The following ART1 variants were observed in gnomAD, a reference collection of about 807,000 sequenced individuals.
ART1 encodes the protein ADP-ribosyltransferase 1, also known as GPI-linked NAD(P)(+)--arginine ADP-ribosyltransferase 1.
ART1 carries 29 observed loss-of-function variants against 27.0 expected under a neutral mutation model. The ratio of observed to expected loss-of-function variants is 1.08; its 90% CI spans 0.80 to 1.47. The LOEUF (loss-of-function observed/expected upper bound fraction) is 1.47, where lower values mean the gene tolerates loss of function less well. ART1 is among the 40% of genes most tolerant of loss of function. ART1 has a pLI of 0.00. For synonymous variants in ART1, 201 were observed against 172.2 expected, an observed-to-expected ratio of 1.17 and a Z score of -1.31; for missense variants, 480 against 423.0, an observed-to-expected ratio of 1.13 and a Z score of -1.18.
intron 2 of ART1, 23 bp from the exon 3 acceptor site, chr11:3,659,560 C>A: frequency 6.4e-7 from 1 of 1,566,356 alleles, no homozygotes; most frequent in Admixed American, 1.8e-5. Context: ...TCCTCTCAGT[C>A]CCTGCTACTC....
chr11:3,654,762 C>T (rs2077555919), intron 1 of ART1, among the ~76,000 whole-genome samples: 1 of 146,828 alleles, frequency 6.8e-6, no homozygotes, highest in African/African-American at 2.5e-5. Context: ...TGCCATTCTC[C>T]CATCAGACAT....
At chr11:3,648,038 A>G (rs925487357) in intron 1 of ART1, among the ~76,000 whole-genome samples, 1 of 152,150 alleles carries the variant, frequency 6.6e-6, no homozygotes, top group Non-Finnish European at 1.5e-5. Context: ...TTAACTGATG[A>G]CATTGTCTTG....
intron 1 of ART1, among the ~76,000 whole-genome samples, chr11:3,655,070 C>A (rs1233323395): frequency 1.3e-5 from 2 of 152,204 alleles, no homozygotes; most frequent in African/African-American, 2.4e-5. Context: ...CGGCAAGTGG[C>A]TTATCTAAAC....
At chr11:3,659,458 C>A in intron 2 of ART1, 125 bp from the exon 3 acceptor site, 2 of 1,363,406 alleles carry the variant, frequency 1.5e-6, no homozygotes, top group Non-Finnish European at 2.0e-6. Context: ...GTTCCCAATC[C>A]CCTTCCCCAC....
chr11:3,661,403 G>T lies in ART1; in HGVS notation c.876G>T (p.Leu292=). The part of the protein sequence containing the change: ...DKKCKSGPCH[L]DNSAMGQSPL... ...AGTGCAAGTCTGGGCCTTGCCATCT[G>T]GATAATTCAGGTAAGGGCTGCAGGC... Residue 292 remains leucine (L), a synonymous_variant, in exon 4 of 5, where the codon CTG becomes CTT. Coordinates refer to ENST00000250693, the MANE Select transcript of ART1 (RefSeq NM_004314.3). 6.2e-7 allele frequency: 1 copy of T among 1,610,488 alleles called. No individual in the cohort carries two copies.
At chr11:3,649,672 C>T (rs1242275043) in intron 1 of ART1, among the ~76,000 whole-genome samples, 6 of 152,280 alleles carry the variant, frequency 3.9e-5, no homozygotes, top group African/African-American at 7.2e-5. Context: ...TCCTCACACC[C>T]GGTCTGGTTT....
At position 3,660,095 on chromosome 11, in the gene ART1, G is replaced by A; in HGVS notation, c.576G>A (p.Arg192=). ...HGLRFRPAGP[R]ATVRLGGFAS... is the part of the protein sequence containing the mutation. Reference sequence around the variant, plus strand: ...TGCGCTTCCGGCCAGCAGGGCCCCGGGCCACCGTGAGGCTGGGGGGCTTTG... The same window carrying A: ...TGCGCTTCCGGCCAGCAGGGCCCCGAGCCACCGTGAGGCTGGGGGGCTTTG... Residue 192 remains arginine (R), a synonymous_variant, in exon 3 of 5, where the codon CGG becomes CGA. Transcript: ENST00000250693. 1.1e-5 allele frequency: 17 copies of A among 1,613,732 alleles called. No homozygotes were observed. Among genetic ancestry groups the A allele is most frequent in the Non-Finnish European group, 1.4e-5 (17 of 1,179,958 alleles).
At chr11:3,652,727 T>C (rs2077534806) in intron 1 of ART1, among the ~76,000 whole-genome samples, 1 of 151,600 alleles carries the variant, frequency 6.6e-6, no homozygotes, top group African/African-American at 2.4e-5. Flanking sequence ...TACTCATACA[T>C]GTCCTGCTCT....
intron 1 of ART1, among the ~76,000 whole-genome samples, chr11:3,652,383 C>T (rs1489064072): frequency 6.7e-6 from 1 of 148,898 alleles, no homozygotes; most frequent in Non-Finnish European, 1.5e-5. Flanking sequence ...GTTTTTCAGG[C>T]TCTTAGTATT....
In ART1 at chr11:3,660,086, AG is replaced by A; in HGVS notation, c.570del (p.Arg192GlyfsTer4). The A allele has an allele frequency of 1.2e-6, 2 of 1,613,570 alleles. No homozygotes were observed. Among genetic ancestry groups the A allele is most frequent in the Non-Finnish European group, 1.7e-6 (2 of 1,179,962 alleles). ...TGCACGGCCTGCGCTTCCGGCCAGC[AG>A]GGCCCCGGGCCACCGTGAGGCTGGG... ...GVHGLRFRPA[G>X]PRATVRLGGF... is the part of the protein sequence containing the mutation. On this transcript the variant is annotated frameshift_variant, in exon 3 of 5. Transcript: ENST00000250693. LOFTEE classifies it high-confidence loss of function.
chr11:3,664,105 C>T lies in ART1; in HGVS notation c.900C>T (p.Ser300=). Residue 300 remains serine (S), a synonymous_variant, in exon 5 of 5, where the codon AGC becomes AGT. Transcript: ENST00000250693. Reference sequence around the variant, plus strand: ...TTTTCCCTGCAGCCATGGGTCAGAGCCCCCTCTCTGCAGTCTGGTCTTTGC... The same window carrying T: ...TTTTCCCTGCAGCCATGGGTCAGAGTCCCCTCTCTGCAGTCTGGTCTTTGC... The part of the protein sequence containing the change: ...CHLDNSAMGQ[S]PLSAVWSLLL... 3 of 1,613,920 alleles carry T rather than the reference C, an allele frequency of 1.9e-6. No homozygotes were observed. The highest frequency in any genetic ancestry group is 1.3e-5 in the African/African-American group (1 of 75,028).
chr11:3,657,072 T>C (rs537474854), intron 1 of ART1, among the ~76,000 whole-genome samples: 7 of 152,320 alleles, frequency 4.6e-5, no homozygotes, highest in Admixed American at 4.6e-4. Context: ...GTCACTGAAC[T>C]ATCCAAACTT....
At chr11:3,661,446 C>A in intron 4 of ART1, 33 bp downstream of exon 4, 1 of 1,499,432 alleles carries the variant, frequency 6.7e-7, no homozygotes, top group Non-Finnish European at 9.1e-7. Context: ...GGACTCAGTT[C>A]AGGGATGAGC....
chr11:3,646,258 G>A lies in ART1; in HGVS notation c.-53+1079G>A, dbSNP rs146034636. On this transcript the variant is annotated intron_variant, in intron 1 of 4. Coordinates refer to ENST00000250693, the MANE Select transcript of ART1 (RefSeq NM_004314.3). ...GCAGGATATTGGGGCTGACTGTGGA[G>A]GCGGGGAGATCAGCGAGGAGGAAGG... Among the ~76,000 whole-genome samples the A allele has an allele frequency of 9.9e-5, 15 of 152,232 alleles. No individual in the cohort carries two copies. In the East Asian group the frequency reaches 2.9e-3, roughly 29 times the overall value.
Position 3,663,038 on chromosome 11 carries a change from C to CA in ART1, c.887-1054_887-1053insA, listed in dbSNP as rs1564786909. ...TCATCATCTCATCTCATCTCATCAT[C>CA]TCATCTCATCTCATCTCATCTCATC... is the stretch of plus-strand genomic sequence containing the variant. On this transcript the variant is annotated intron_variant, in intron 4 of 4. Coordinates refer to ENST00000250693, the MANE Select transcript of ART1 (RefSeq NM_004314.3). Among the ~76,000 whole-genome samples the CA allele has an allele frequency of 4.4e-3, 472 of 107,136 alleles. 7 individuals carry two copies. Among genetic ancestry groups the CA allele is most frequent in the Middle Eastern group, 0.031 (7 of 228 alleles). The allele number at this position is 107,136 out of a possible 152,430, so 70.3% of individuals were successfully genotyped here. A position where few individuals can be genotyped will look rare whatever the true frequency, so the allele number is the denominator to read the frequency against.
At chr11:3,649,670 C>T (rs2077502073) in intron 1 of ART1, among the ~76,000 whole-genome samples, 1 of 152,210 alleles carries the variant, frequency 6.6e-6, no homozygotes, top group African/African-American at 2.4e-5. Flanking sequence ...CCTCCTCACA[C>T]CCGGTCTGGT....
At chr11:3,645,701 A>G (rs2077465760) in intron 1 of ART1, among the ~76,000 whole-genome samples, 1 of 152,184 alleles carries the variant, frequency 6.6e-6, no homozygotes, top group South Asian at 2.1e-4. Context: ...GCCCTCAAGG[A>G]ACTCACTGGC....
intron 1 of ART1, among the ~76,000 whole-genome samples, chr11:3,645,415 T>C (rs1012566200): frequency 6.6e-6 from 1 of 152,068 alleles, no homozygotes; most frequent in Non-Finnish European, 1.5e-5. Context: ...GATGAGAAAC[T>C]GATGACAGAA....
chr11:3,647,360 G>T (rs2077477306), intron 1 of ART1, among the ~76,000 whole-genome samples: 2 of 150,378 alleles, frequency 1.3e-5, no homozygotes, highest in South Asian at 4.2e-4. Flanking sequence ...ACGAGGCTGG[G>T]TGCGGTGGCT....
Sources: allele counts gnomAD v4.1 joint callset (sites outside exome capture counted in the v4.1 genomes callset), GRCh38; gene constraint gnomAD v4.1.1; transcripts MANE v1.5; gene names NCBI Gene and HGNC (gene_info 2026-07-23, HGNC 2026-07-21).